Variants in LINGO2 observed in about 807,000 individuals in gnomAD.
LINGO2 encodes the protein leucine-rich repeat and immunoglobulin-like domain-containing nogo receptor-interacting protein 2.
LINGO2 carries 14 observed loss-of-function variants against 30.6 expected under a neutral mutation model. The observed-to-expected ratio is 0.46, with a 90% CI of 0.30 to 0.72. The LOEUF (loss-of-function observed/expected upper bound fraction) is 0.72. Ranked by LOEUF, LINGO2 falls within the 30% of genes least tolerant of loss-of-function variation. The probability of loss-of-function intolerance (pLI) is 0.07; values close to 1 mark genes in which losing one functional copy is unlikely to be tolerated. For synonymous variants in LINGO2, 317 were observed against 288.5 expected (o/e 1.10, Z -1.00); for missense variants, 729 against 751.7 (o/e 0.97, Z 0.35).
the LINGO2 span, among the ~76,000 whole-genome samples, chr9:28,773,687 A>G: frequency 6.6e-6 from 1 of 152,210 alleles, no homozygotes. Flanking sequence ...TAGTAAGATG[A>G]TATTTTGCTC....
chr9:28,685,235 A>C, the LINGO2 span, among the ~76,000 whole-genome samples: 1 of 152,068 alleles, frequency 6.6e-6, no homozygotes, highest in Non-Finnish European at 1.5e-5. Context: ...GCCATTGATG[A>C]GCATTTAGGT....
chr9:28,076,983 A>G (rs1245060769), intron 4 of LINGO2, among the ~76,000 whole-genome samples: 1 of 152,188 alleles, frequency 6.6e-6, no homozygotes, highest in Non-Finnish European at 1.5e-5. Flanking sequence ...GTAAGGTTGA[A>G]AATGGGAATG....
chr9:28,392,930 T>C (rs546221949), intron 2 of LINGO2, among the ~76,000 whole-genome samples: 1 of 152,202 alleles, frequency 6.6e-6, no homozygotes, highest in Non-Finnish European at 1.5e-5. Context: ...GTAGGAAATG[T>C]AACACTATCC....
chr9:28,387,428 G>A (rs1021640050), intron 2 of LINGO2, among the ~76,000 whole-genome samples: 1 of 152,210 alleles, frequency 6.6e-6, no homozygotes, highest in East Asian at 1.9e-4. Context: ...CAGGAAGTGG[G>A]AAGGGCCAAA....
intron 1 of LINGO2, among the ~76,000 whole-genome samples, chr9:28,645,267 T>C (rs1374826811): frequency 6.6e-6 from 1 of 152,084 alleles, no homozygotes; most frequent in Non-Finnish European, 1.5e-5. Context: ...CTGTGTGTCA[T>C]ATATGCAGAG....
At chr9:28,048,674 T>C (rs1449236451) in intron 4 of LINGO2, among the ~76,000 whole-genome samples, 2 of 150,746 alleles carry the variant, frequency 1.3e-5, no homozygotes, top group Non-Finnish European at 2.9e-5. Flanking sequence ...CACAGAACAC[T>C]TATCTACGAT....
chr9:28,623,527 G>T (rs1484018515), intron 1 of LINGO2, among the ~76,000 whole-genome samples: 1 of 151,878 alleles, frequency 6.6e-6, no homozygotes, highest in East Asian at 1.9e-4. Context: ...CTTCTTGGGG[G>T]TTCTCTATTC....
the LINGO2 span, among the ~76,000 whole-genome samples, chr9:28,849,197 A>G: frequency 6.6e-6 from 1 of 151,870 alleles, no homozygotes; most frequent in African/African-American, 2.4e-5. Context: ...CTTACACACA[A>G]CAAAACATCT....
chr9:29,076,007 C>T, the LINGO2 span, among the ~76,000 whole-genome samples: 1 of 151,948 alleles, frequency 6.6e-6, no homozygotes, highest in Admixed American at 6.6e-5. Context: ...CCCACCACAG[C>T]CTCTCTGTGC....
intron 2 of LINGO2, among the ~76,000 whole-genome samples, chr9:28,433,622 A>T (rs10812822): frequency 6.6e-6 from 1 of 151,988 alleles, no homozygotes; most frequent in Non-Finnish European, 1.5e-5. Flanking sequence ...AAAGGCAAAA[A>T]GCATTAGATG....
At chr9:28,481,785 C>A (rs1160649936) in intron 1 of LINGO2, among the ~76,000 whole-genome samples, 2 of 151,448 alleles carry the variant, frequency 1.3e-5, no homozygotes, top group African/African-American at 2.4e-5. Flanking sequence ...CCCCCCACCC[C>A]ACAACAGTCC....
intron 4 of LINGO2, among the ~76,000 whole-genome samples, chr9:28,172,676 C>G (rs957175366): frequency 6.6e-6 from 1 of 152,138 alleles, no homozygotes; most frequent in African/African-American, 2.4e-5. Context: ...CAGGAGATCA[C>G]AAAGCTGAGC....
the LINGO2 span, among the ~76,000 whole-genome samples, chr9:28,874,231 C>T: frequency 6.6e-6 from 1 of 151,886 alleles, no homozygotes; most frequent in Non-Finnish European, 1.5e-5. Context: ...TGGACCAGTT[C>T]ACAGAAAACC....
At chr9:28,544,310 T>C (rs576769876) in intron 1 of LINGO2, among the ~76,000 whole-genome samples, 1 of 152,312 alleles carries the variant, frequency 6.6e-6, no homozygotes, top group South Asian at 2.1e-4. Flanking sequence ...AGTTCTGTAA[T>C]CTGAGACTTC....
At chr9:28,163,735 C>T (rs577796586) in intron 4 of LINGO2, among the ~76,000 whole-genome samples, 15 of 152,206 alleles carry the variant, frequency 9.9e-5, no homozygotes, top group African/African-American at 2.6e-4. Context: ...GCAGATGACA[C>T]GGTCTGTTTG....
chr9:28,888,881 G>A, the LINGO2 span: 1 of 533,936 alleles, frequency 1.9e-6, no homozygotes, highest in East Asian at 5.4e-5. Flanking sequence ...AGGAAGATTT[G>A]TGGGTGTTCC....
At chr9:28,221,023 G>T (rs1471426211) in intron 4 of LINGO2, among the ~76,000 whole-genome samples, 1 of 152,172 alleles carries the variant, frequency 6.6e-6, no homozygotes, top group Non-Finnish European at 1.5e-5. Context: ...AGATAGGCCG[G>T]ATGCGGTGGC....
At chr9:29,033,753 C>A in the LINGO2 span, among the ~76,000 whole-genome samples, 1 of 151,824 alleles carries the variant, frequency 6.6e-6, no homozygotes, top group Non-Finnish European at 1.5e-5. Flanking sequence ...AATGTTATTA[C>A]TCTAAAATTC....
chr9:28,876,479 C>T, the LINGO2 span, among the ~76,000 whole-genome samples: 1 of 151,616 alleles, frequency 6.6e-6, no homozygotes, highest in African/African-American at 2.4e-5. Context: ...CAATTCCCAC[C>T]TATGAGTGAG....
Sources: allele counts gnomAD v4.1 joint callset (sites outside exome capture counted in the v4.1 genomes callset), GRCh38; gene constraint gnomAD v4.1.1; transcripts MANE v1.5; gene names NCBI Gene and HGNC (gene_info 2026-07-23, HGNC 2026-07-21).